The following NUP210L variants were observed in gnomAD, a reference collection of about 807,000 sequenced individuals.
NUP210L encodes nucleoporin 210 like, also known as nuclear pore membrane glycoprotein 210-like.
NUP210L carries 74 observed loss-of-function variants against 208.5 expected under a neutral mutation model. The ratio of observed to expected loss-of-function variants is 0.35; its 90% confidence interval spans 0.29 to 0.43. The LOEUF is 0.43. NUP210L is among the 20% of genes least tolerant of loss of function. The pLI is 1.00. For synonymous variants in NUP210L, 780 were observed against 816.9 expected (o/e 0.95, Z 0.77); for missense variants, 1,843 against 2,289.4 (o/e 0.81, Z 3.98).
intron 30 of NUP210L, among the ~76,000 whole-genome samples, chr1:154,023,978 TGG>T (rs1036468143): frequency 6.6e-6 from 1 of 151,054 alleles, no homozygotes; most frequent in Non-Finnish European, 1.5e-5. Flanking sequence ...TTAGTAGAGA[TGG>T]GGGTTTCACC....
intron 6 of NUP210L, among the ~76,000 whole-genome samples, chr1:154,136,185 G>C (rs1233875324): frequency 6.6e-6 from 1 of 152,202 alleles, no homozygotes; most frequent in Non-Finnish European, 1.5e-5. Flanking sequence ...GGGTGTGGTG[G>C]CTCCGCCTGT....
In NUP210L at chr1:154,025,224, G is replaced by A. The variant is rs551424773; in HGVS notation, c.4122+318C>T. 1.6e-3 allele frequency among the ~76,000 whole-genome samples: 244 copies of A among 152,032 alleles called. 1 individual carries two copies. Among genetic ancestry groups the A allele is most frequent in the Admixed American group, 3.7e-3 (56 of 15,244 alleles). On this transcript the variant is annotated intron_variant, in intron 30 of 39. Coordinates refer to ENST00000368559, the Ensembl canonical transcript of NUP210L. ...ATTACAGGCGTGAGCCACCGTGCCC[G>A]GCCAGGCTGATCTGTTTTATAACAA...
intron 15 of NUP210L, among the ~76,000 whole-genome samples, chr1:154,090,820 AAAAG>A (rs775483687): frequency 6.6e-6 from 1 of 151,940 alleles, no homozygotes; most frequent in Non-Finnish European, 1.5e-5. Flanking sequence ...TAAAAAAAAA[AAAAG>A]AAAGAAACTG....
At chr1:154,062,850 G>A (rs1654214337) in intron 17 of NUP210L, among the ~76,000 whole-genome samples, 1 of 151,940 alleles carries the variant, frequency 6.6e-6, no homozygotes, top group Non-Finnish European at 1.5e-5. Flanking sequence ...AAAGTGCTGG[G>A]ATTACAGGTG....
At chr1:154,130,946 A>G (rs1658216684) in intron 7 of NUP210L, among the ~76,000 whole-genome samples, 1 of 151,986 alleles carries the variant, frequency 6.6e-6, no homozygotes, top group South Asian at 2.1e-4. Flanking sequence ...TAGTTCTGAT[A>G]TGTACTTTAC....
At chr1:154,078,837 T>A (rs1036399166) in intron 16 of NUP210L, 3 of 151,994 alleles carry the variant, frequency 2.0e-5, no homozygotes, top group Non-Finnish European at 2.9e-5. Context: ...ACAACACAGC[T>A]CCCTAAGCCA....
intron 27 of NUP210L, among the ~76,000 whole-genome samples, chr1:154,030,411 C>T (rs1057486641): frequency 1.3e-5 from 2 of 152,024 alleles, no homozygotes; most frequent in Admixed American, 1.3e-4. Context: ...GATCCTCCCA[C>T]CTCACTCTCC....
exon 30 of NUP210L, chr1:154,025,670 T>G: frequency 6.2e-7 from 1 of 1,613,792 alleles, no homozygotes; most frequent in Non-Finnish European, 8.5e-7. Context: ...ACGGATGAAT[T>G]AGGGAAACAC....
intron 36 of NUP210L, 43 bp from the exon 37 acceptor site, chr1:154,001,103 C>A (rs911455920): frequency 2.0e-6 from 3 of 1,531,996 alleles, no homozygotes; most frequent in South Asian, 2.3e-5. Flanking sequence ...GAAGAAAAAT[C>A]AACTTTGTAT....
chr1:154,010,050 C>T (rs1429380303), exon 35 of NUP210L: 4 of 1,613,836 alleles, frequency 2.5e-6, no homozygotes, highest in Non-Finnish European at 3.4e-6. Flanking sequence ...CTGAACTGTA[C>T]ATGGCACAGC....
At chr1:154,119,177 T>TA (rs1282774434) in intron 10 of NUP210L, among the ~76,000 whole-genome samples, 2 of 152,132 alleles carry the variant, frequency 1.3e-5, no homozygotes, top group Non-Finnish European at 2.9e-5. Flanking sequence ...AAAGGGATAC[T>TA]ATAAGCTATT....
chr1:154,005,045 G>A (rs1310633923), intron 35 of NUP210L, among the ~76,000 whole-genome samples: 2 of 149,266 alleles, frequency 1.3e-5, no homozygotes, highest in East Asian at 2.0e-4. Flanking sequence ...GTAGAGACAG[G>A]GTTTCACCAT....
intron 16 of NUP210L, among the ~76,000 whole-genome samples, chr1:154,081,087 A>G (rs997586621): frequency 1.3e-5 from 2 of 152,114 alleles, no homozygotes; most frequent in African/African-American, 4.8e-5. Context: ...AATGGCAGAC[A>G]TAATGCCTAC....
chr1:154,077,116 T>C (rs1287729155), intron 16 of NUP210L, among the ~76,000 whole-genome samples: 1 of 152,098 alleles, frequency 6.6e-6, no homozygotes, highest in Non-Finnish European at 1.5e-5. Context: ...GGCTCGCGCT[T>C]GTAATCTTAG....
At chr1:154,098,231 C>A (rs58300038) in intron 14 of NUP210L, among the ~76,000 whole-genome samples, 38,897 of 152,110 alleles carry the variant, frequency 0.26, 5,495 homozygotes, top group Admixed American at 0.37. Flanking sequence ...CTTAGAGACT[C>A]CAGGAACCAC....
exon 20 of NUP210L, chr1:154,060,599 T>C: frequency 6.2e-7 from 1 of 1,613,754 alleles, no homozygotes; most frequent in Non-Finnish European, 8.5e-7. Flanking sequence ...TCACTGCTGT[T>C]GACTAAAAAA....
chr1:154,002,224 CT>C (rs892674966), intron 35 of NUP210L, among the ~76,000 whole-genome samples: 2 of 151,868 alleles, frequency 1.3e-5, no homozygotes, highest in Non-Finnish European at 2.9e-5. Flanking sequence ...ACCATTCTTT[CT>C]TTTTTTTGGA....
chr1:154,074,279 A>G (rs546008245), intron 16 of NUP210L, among the ~76,000 whole-genome samples: 10 of 152,158 alleles, frequency 6.6e-5, no homozygotes, highest in Non-Finnish European at 1.2e-4. Context: ...AGGATCAATT[A>G]TTACAAGGAG....
exon 40 of NUP210L, chr1:153,992,771 C>T: frequency 1.9e-6 from 2 of 1,066,156 alleles, no homozygotes; most frequent in Non-Finnish European, 2.8e-6. Context: ...TGCTGTTAGG[C>T]TTCTTGTCGA....
Sources: gnomAD v4.1 joint callset for allele counts (sites outside exome capture counted in the v4.1 genomes callset) on GRCh38, gnomAD v4.1.1 for gene constraint, MANE v1.5 for transcripts, NCBI Gene and HGNC (gene_info 2026-07-23, HGNC 2026-07-21) for gene names.